Variants in RP1 observed in about 807,000 individuals in gnomAD.
RP1 encodes the protein oxygen-regulated protein 1.
In RP1, 16 loss-of-function variants were observed where a neutral mutation model predicts 14.8. The observed-to-expected ratio is 1.08, with a 90% CI of 0.73 to 1.65. The LOEUF is 1.65. RP1 is among the 40% of genes most tolerant of loss of function. RP1 has a pLI of 0.00. For synonymous variants in RP1, 876 were observed against 883.6 expected, an observed-to-expected ratio of 0.99 and a Z score of 0.15; for missense variants, 2,631 against 2,535.0, an observed-to-expected ratio of 1.04 and a Z score of -0.81.
chr8:54,620,180 C>G (rs1805820361), intron 1 of RP1, among the ~76,000 whole-genome samples: 1 of 152,202 alleles, frequency 6.6e-6, no homozygotes, highest in Admixed American at 6.5e-5. Flanking sequence ...TATTTCTGGA[C>G]TTTTCCCCAA....
chr8:54,838,299 C>G (rs932678145), intron 25 of RP1, among the ~76,000 whole-genome samples: 5 of 152,110 alleles, frequency 3.3e-5, no homozygotes, highest in African/African-American at 9.7e-5. Flanking sequence ...GCAAACTCAC[C>G]CAATGTCTTA....
chr8:54,709,322 G>T (rs1004037418), intron 15 of RP1, among the ~76,000 whole-genome samples: 2 of 152,174 alleles, frequency 1.3e-5, no homozygotes, highest in Admixed American at 6.5e-5. Flanking sequence ...AGCCTACGTT[G>T]TGCTGCTTTG....
chr8:54,813,808 T>C (rs535805201), intron 24 of RP1, among the ~76,000 whole-genome samples: 4 of 152,308 alleles, frequency 2.6e-5, no homozygotes, highest in African/African-American at 9.6e-5. Context: ...GCTGTTTCTA[T>C]TTTTTGTTTT....
intron 24 of RP1, among the ~76,000 whole-genome samples, chr8:54,804,147 G>C (rs568733241): frequency 2.0e-5 from 3 of 151,752 alleles, no homozygotes; most frequent in Non-Finnish European, 4.4e-5. Flanking sequence ...CATATGTGGG[G>C]GGGGGCTAGG....
chr8:54,607,486 G>C (rs1425060419), intron 1 of RP1, among the ~76,000 whole-genome samples: 1 of 152,158 alleles, frequency 6.6e-6, no homozygotes, highest in Non-Finnish European at 1.5e-5. Flanking sequence ...GGCTACTCGG[G>C]GGTCAGGGAC....
intron 19 of RP1, among the ~76,000 whole-genome samples, chr8:54,747,926 C>T (rs967659010): frequency 3.3e-5 from 5 of 152,236 alleles, no homozygotes; most frequent in Non-Finnish European, 5.9e-5. Flanking sequence ...TGGCCTAATG[C>T]TCTCTCCAAT....
chr8:54,783,560 G>A, exon 24 of RP1: 8 of 1,231,214 alleles, frequency 6.5e-6, no homozygotes, highest in African/African-American at 3.1e-5. Flanking sequence ...GAGACTGGAA[G>A]GTGACCATTG....
In RP1 at chr8:54,630,154, T is replaced by C. The variant is rs747154755; in HGVS notation, c.6272T>C (p.Ile2091Thr). 14 of 1,613,804 alleles carry C rather than the reference T, an allele frequency of 8.7e-6. No homozygotes were observed. Among genetic ancestry groups the C allele is most frequent in the Non-Finnish European group, 1.2e-5 (14 of 1,179,940 alleles). Residue 2091 changes from isoleucine to threonine, a missense_variant, in exon 4 of 4, where the codon ATC becomes ACC. Ile to Thr is a moderately conservative substitution (Grantham distance 89). Coordinates refer to ENST00000220676, the MANE Select transcript of RP1 (RefSeq NM_006269.2). ...CTCAACCAAGTAGTAAGAGAAAATA[T>C]CAACTGTCATTACTTCTTTGAAATG... ...TNLNQVVREN[I>T]NCHYFFEMLG...
chr8:54,672,846 A>G (rs979387881), intron 7 of RP1, among the ~76,000 whole-genome samples: 10 of 152,100 alleles, frequency 6.6e-5, no homozygotes, highest in African/African-American at 2.4e-4. Context: ...GCATATTTTC[A>G]TTATGCGTTT....
At position 54,625,992 on chromosome 8, in the gene RP1, A is replaced by G; in HGVS notation, c.2110A>G (p.Thr704Ala). Residue 704 changes from threonine (T) to alanine (A), a missense_variant, in exon 4 of 4, where the codon ACA becomes GCA. Coordinates refer to ENST00000220676, the MANE Select transcript of RP1 (RefSeq NM_006269.2). ...TCTTAATAAGAATGAGAGAATAAAC[A>G]CAAAAGGTAGAATTACAAAGGAAAT... Reference protein sequence around the residue: ...GILNKNERINTKGRITKEMIV... With the variant: ...GILNKNERINAKGRITKEMIV... The G allele has an allele frequency of 6.2e-7, 1 of 1,614,038 alleles. No individual in the cohort carries two copies. Among genetic ancestry groups the G allele is most frequent in the South Asian group, 1.1e-5 (1 of 91,070 alleles).
chr8:54,608,341 A>G (rs1001809858), intron 1 of RP1, among the ~76,000 whole-genome samples: 13 of 152,146 alleles, frequency 8.5e-5, no homozygotes, highest in Admixed American at 2.0e-4. Context: ...GAAATCATGT[A>G]TCAACAAAGC....
rs566220718 is a variant in RP1 at position 54,782,238 on chromosome 8, C to T, written c.3452-1309C>T. Among the ~76,000 whole-genome samples the T allele has an allele frequency of 2.6e-5, 4 of 152,234 alleles. No individual in the cohort carries two copies. In the South Asian group the frequency reaches 8.3e-4, roughly 32 times the overall value. ...GCTGCGGGGTAGAAGTAGCAGTGCACCCTTTTGAGTTCTGCTGCCCCTTTG... is the reference window on the plus strand; with the variant it reads ...GCTGCGGGGTAGAAGTAGCAGTGCATCCTTTTGAGTTCTGCTGCCCCTTTG... On this transcript the variant is annotated intron_variant, in intron 23 of 28. Coordinates refer to the RP1 transcript ENST00000637698.
intron 15 of RP1, among the ~76,000 whole-genome samples, chr8:54,716,230 A>G (rs1808400532): frequency 1.3e-5 from 2 of 152,158 alleles, no homozygotes; most frequent in African/African-American, 2.4e-5. Context: ...TAATCCTAGT[A>G]TGTTCCAGTG....
intron 15 of RP1, among the ~76,000 whole-genome samples, chr8:54,708,884 A>C (rs896429228): frequency 1.3e-5 from 2 of 152,110 alleles, no homozygotes; most frequent in Non-Finnish European, 2.9e-5. Flanking sequence ...GAGGGACTGG[A>C]AGAAGTCCTT....
chr8:54,676,679 C>T (rs1354693803), intron 8 of RP1, among the ~76,000 whole-genome samples: 2 of 152,170 alleles, frequency 1.3e-5, no homozygotes, highest in African/African-American at 4.8e-5. Flanking sequence ...TTTTCTAAAT[C>T]CAGTTCTAGT....
chr8:54,564,783 C>T (rs903273304), intron 1 of RP1, among the ~76,000 whole-genome samples: 1 of 152,304 alleles, frequency 6.6e-6, no homozygotes, highest in Non-Finnish European at 1.5e-5. Flanking sequence ...TGTGAATTTC[C>T]TAGTCCAGTC....
At chr8:54,642,448 C>A (rs1489703849) in intron 3 of RP1, among the ~76,000 whole-genome samples, 1 of 152,042 alleles carries the variant, frequency 6.6e-6, no homozygotes, top group Admixed American at 6.6e-5. Flanking sequence ...TATCTTAAGG[C>A]GTTTTTTCTA....
intron 12 of RP1, among the ~76,000 whole-genome samples, chr8:54,692,060 T>C (rs1807727225): frequency 6.6e-6 from 1 of 151,708 alleles, no homozygotes; most frequent in African/African-American, 2.4e-5. Flanking sequence ...AGTGAGAACA[T>C]GTGGTGTTTG....
At chr8:54,576,668 G>A (rs1301658119) in intron 1 of RP1, among the ~76,000 whole-genome samples, 5 of 152,150 alleles carry the variant, frequency 3.3e-5, no homozygotes, top group African/African-American at 9.7e-5. Context: ...TAACAGATCT[G>A]GTTACAGTCA....
Sources: allele counts gnomAD v4.1 joint callset (sites outside exome capture counted in the v4.1 genomes callset), GRCh38; gene constraint gnomAD v4.1.1; transcripts MANE v1.5; gene names NCBI Gene and HGNC (gene_info 2026-07-23, HGNC 2026-07-21).